Variants in LOC128462377 observed in about 807,000 individuals in gnomAD.
the LOC128462377 span, among the ~76,000 whole-genome samples, chr16:89,394,484 T>A: frequency 1.3e-5 from 2 of 152,054 alleles, no homozygotes; most frequent in Non-Finnish European, 2.9e-5. Flanking sequence ...AAAAATTAGC[T>A]GTGCGTGGTG....
chr16:89,393,338 G>GC, the LOC128462377 span, among the ~76,000 whole-genome samples: 1 of 148,620 alleles, frequency 6.7e-6, no homozygotes, highest in Non-Finnish European at 1.5e-5. Flanking sequence ...TGAGACGGAG[G>GC]CTTGCTCTGT....
the LOC128462377 span, among the ~76,000 whole-genome samples, chr16:89,391,976 G>T: frequency 9.2e-4 from 138 of 149,844 alleles, no homozygotes; most frequent in African/African-American, 3.4e-3. Flanking sequence ...CTCTTCCTTA[G>T]TTGAAGGTGT....
At chr16:89,398,936 G>A in the LOC128462377 span, among the ~76,000 whole-genome samples, 1 of 152,106 alleles carries the variant, frequency 6.6e-6, no homozygotes, top group Non-Finnish European at 1.5e-5. Context: ...CTCTGGACAA[G>A]GCCTCAAAGA....
chr16:89,324,255 G>C, the LOC128462377 span: 1 of 1,227,220 alleles, frequency 8.1e-7, no homozygotes, highest in African/African-American at 1.6e-5. Flanking sequence ...TGGTCACTGG[G>C]CTGTGGAACA....
chr16:89,397,711 T>G, the LOC128462377 span, among the ~76,000 whole-genome samples: 1 of 152,218 alleles, frequency 6.6e-6, no homozygotes, highest in Non-Finnish European at 1.5e-5. Flanking sequence ...GTACTGCTCT[T>G]GGAATGTCAA....
chr16:89,359,376 C>A, the LOC128462377 span, among the ~76,000 whole-genome samples: 3 of 152,220 alleles, frequency 2.0e-5, no homozygotes, highest in African/African-American at 7.2e-5. Flanking sequence ...TCCCAGGGAA[C>A]TGCAGCCAGC....
At chr16:89,320,566 G>T in the LOC128462377 span, among the ~76,000 whole-genome samples, 1 of 152,172 alleles carries the variant, frequency 6.6e-6, no homozygotes, top group Non-Finnish European at 1.5e-5. Context: ...ACCTCCTGGC[G>T]GATGGCAACC....
the LOC128462377 span, among the ~76,000 whole-genome samples, chr16:89,320,962 G>A: frequency 1.2e-4 from 18 of 152,352 alleles, no homozygotes; most frequent in East Asian, 3.9e-4. Flanking sequence ...TGCTCCTCCC[G>A]GAAGGTGGCT....
At chr16:89,347,997 G>T in the LOC128462377 span, among the ~76,000 whole-genome samples, 1 of 151,740 alleles carries the variant, frequency 6.6e-6, no homozygotes, top group East Asian at 1.9e-4. Context: ...GAAATGGCAT[G>T]ATCTCGGCTC....
At chr16:89,323,166 G>A in the LOC128462377 span, 1 of 452,574 alleles carries the variant, frequency 2.2e-6, no homozygotes, top group African/African-American at 2.1e-5. Context: ...GCTGCGTCAG[G>A]AGTGGTGCCT....
At chr16:89,343,647 G>C in the LOC128462377 span, 1 of 152,244 alleles carries the variant, frequency 6.6e-6, no homozygotes. Flanking sequence ...CAACTGGCCG[G>C]AACTTGGTCA....
the LOC128462377 span, among the ~76,000 whole-genome samples, chr16:89,361,208 G>A: frequency 2.6e-5 from 4 of 152,160 alleles, no homozygotes; most frequent in African/African-American, 9.7e-5. Flanking sequence ...GCACCCCTTA[G>A]GAAACCCCAG....
chr16:89,353,995 A>G, the LOC128462377 span, among the ~76,000 whole-genome samples: 702 of 152,290 alleles, frequency 4.6e-3, 5 homozygotes, highest in African/African-American at 0.016. Flanking sequence ...GAACCAGCCC[A>G]GCTGAATGCC....
chr16:89,383,891 A>C, the LOC128462377 span, among the ~76,000 whole-genome samples: 1 of 152,198 alleles, frequency 6.6e-6, no homozygotes, highest in Non-Finnish European at 1.5e-5. Context: ...TCTGTCTCAC[A>C]AACACCCGCT....
chr16:89,347,607 T>TAA, the LOC128462377 span, among the ~76,000 whole-genome samples: 4,639 of 127,288 alleles, frequency 0.036, 203 homozygotes, highest in East Asian at 0.14. Flanking sequence ...CGAGACTCCG[T>TAA]AAAAAAAAAA....
At chr16:89,372,762 G>A in the LOC128462377 span, 1 of 152,182 alleles carries the variant, frequency 6.6e-6, no homozygotes, top group Admixed American at 6.5e-5. Flanking sequence ...TTTTGTGACT[G>A]AAGATATTCC....
the LOC128462377 span, among the ~76,000 whole-genome samples, chr16:89,355,238 A>G: frequency 6.7e-6 from 1 of 150,222 alleles, no homozygotes; most frequent in East Asian, 2.0e-4. Flanking sequence ...GGGAGGGCGG[A>G]GGGCTCACAC....
the LOC128462377 span, among the ~76,000 whole-genome samples, chr16:89,363,881 C>T: frequency 1.3e-5 from 2 of 151,912 alleles, no homozygotes; most frequent in African/African-American, 4.8e-5. Context: ...CGTGGCAAAA[C>T]CCTGTCTCTA....
chr16:89,390,377 A>C, the LOC128462377 span, among the ~76,000 whole-genome samples: 1 of 152,136 alleles, frequency 6.6e-6, no homozygotes, highest in Non-Finnish European at 1.5e-5. Context: ...GCACTGAGAG[A>C]GAGAAGATCA....
Sources: gnomAD v4.1 joint callset for allele counts (sites outside exome capture counted in the v4.1 genomes callset) on GRCh38, gnomAD v4.1.1 for gene constraint, MANE v1.5 for transcripts.